LRRD1: variants seen among roughly 807,000 people sequenced by gnomAD.
LRRD1 encodes the protein leucine rich repeats and death domain containing 1.
In LRRD1, 49 loss-of-function variants were observed where a neutral mutation model predicts 69.5. The ratio of observed to expected loss-of-function variants is 0.70; its 90% CI spans 0.56 to 0.89. The LOEUF (loss-of-function observed/expected upper bound fraction) is 0.89, where lower values mean the gene tolerates loss of function less well. LRRD1 is among the 40% of genes least tolerant of loss of function. LRRD1 has a pLI of 0.00. For missense variants in LRRD1, 853 were observed against 956.0 expected, an observed-to-expected ratio of 0.89 and a Z score of 1.42; for synonymous variants, 303 against 338.9, an observed-to-expected ratio of 0.89 and a Z score of 1.16.
intron 3 of LRRD1, among the ~76,000 whole-genome samples, chr7:92,155,229 C>T (rs1002741830): frequency 2.6e-5 from 4 of 152,122 alleles, no homozygotes; most frequent in African/African-American, 9.7e-5. Context: ...ATAAGGGTTA[C>T]ATGAACACAA....
Position 92,166,742 on chromosome 7 carries a change from A to T in LRRD1, c.-74-1466T>A, listed in dbSNP as rs192886620. ...CTTGATAAGTTGCAACATTTTTCAT[A>T]ATTTACAAAGTAGGAATAGATGGGA... On this transcript the variant is annotated intron_variant, in intron 1 of 5. Transcript: ENST00000458448. Among the ~76,000 whole-genome samples the T allele has an allele frequency of 2.0e-5, 3 of 152,322 alleles. No individual in the cohort carries two copies. In the East Asian group the frequency reaches 5.8e-4, roughly 29 times the overall value.
At chr7:92,151,891 G>A (rs1820476463) in intron 3 of LRRD1, among the ~76,000 whole-genome samples, 1 of 151,570 alleles carries the variant, frequency 6.6e-6, no homozygotes, top group Admixed American at 6.6e-5. Context: ...AGAGGTTGCA[G>A]GGAGCCGAGA....
intron 1 of LRRD1, among the ~76,000 whole-genome samples, chr7:92,174,511 T>TATATA (rs1563195897): frequency 2.1e-3 from 57 of 26,680 alleles, no homozygotes; most frequent in Non-Finnish European, 3.2e-3. Flanking sequence ...ATATATATAT[T>TATATA]TTTTTTTTTT....
chr7:92,155,142 C>A (rs1007354176), intron 3 of LRRD1, among the ~76,000 whole-genome samples: 1 of 152,170 alleles, frequency 6.6e-6, no homozygotes, highest in Non-Finnish European at 1.5e-5. Context: ...TTAAAGGAAG[C>A]ACTTTAAGGC....
chr7:92,160,818 C>T (rs1255682062), intron 2 of LRRD1, among the ~76,000 whole-genome samples: 1 of 151,694 alleles, frequency 6.6e-6, no homozygotes. Flanking sequence ...GTCTCAAAAA[C>T]AAAAACAAAA....
intron 4 of LRRD1, among the ~76,000 whole-genome samples, chr7:92,146,829 G>C (rs1316112561): frequency 7.3e-5 from 11 of 150,700 alleles, no homozygotes; most frequent in Non-Finnish European, 1.5e-4. Flanking sequence ...GGCTGAGGTA[G>C]GAGAATCGCT....
At chr7:92,170,078 A>AAG (rs973823934) in intron 1 of LRRD1, among the ~76,000 whole-genome samples, 2 of 151,040 alleles carry the variant, frequency 1.3e-5, no homozygotes, top group African/African-American at 4.9e-5. Context: ...TGAAAAAAAA[A>AAG]AGAGAGAGAG....
chr7:92,176,691 G>C (rs535804245), intron 1 of LRRD1, among the ~76,000 whole-genome samples: 2 of 151,818 alleles, frequency 1.3e-5, no homozygotes, highest in African/African-American at 4.8e-5. Flanking sequence ...AGCCTCCTGA[G>C]TAGCTGGGAC....
intron 4 of LRRD1, among the ~76,000 whole-genome samples, chr7:92,149,434 G>T (rs937176959): frequency 6.6e-6 from 1 of 152,290 alleles, no homozygotes; most frequent in Admixed American, 6.5e-5. Context: ...GCAAATCAGA[G>T]TCCTAGGGAA....
In LRRD1 at chr7:92,159,055, A is replaced by G; in HGVS notation, c.2066T>C (p.Leu689Pro). The G allele has an allele frequency of 1.9e-6, 3 of 1,546,636 alleles. No homozygotes were observed. Among genetic ancestry groups the G allele is most frequent in the Non-Finnish European group, 2.6e-6 (3 of 1,145,572 alleles). Reference protein sequence around the residue: ...LHAYNNQISYLPPSLLSLNDL... With the variant: ...LHAYNNQISYPPPSLLSLNDL... ...ATTTAAAGATAGCAAAGATGGTGGA[A>G]GATAACTTATTTGATTATTGTATGC... is the stretch of plus-strand genomic sequence containing the variant. Residue 689 changes from leucine (L) to proline (P), a missense_variant, in exon 3 of 6, where the codon CTT becomes CCT. Transcript: ENST00000458448.
At chr7:92,175,099 A>C (rs1789163194) in intron 1 of LRRD1, among the ~76,000 whole-genome samples, 1 of 151,888 alleles carries the variant, frequency 6.6e-6, no homozygotes, top group Non-Finnish European at 1.5e-5. Context: ...CACAAAAAAA[A>C]CCCATAATGT....
intron 1 of LRRD1, among the ~76,000 whole-genome samples, chr7:92,168,753 A>G (rs1440722985): frequency 6.6e-6 from 1 of 152,326 alleles, no homozygotes; most frequent in South Asian, 2.1e-4. Flanking sequence ...CCAGACGAAG[A>G]CTGGAAGAAA....
chr7:92,162,309 C>T (rs1788808261), intron 2 of LRRD1, among the ~76,000 whole-genome samples: 1 of 152,102 alleles, frequency 6.6e-6, no homozygotes, highest in East Asian at 1.9e-4. Context: ...CATTGTTATT[C>T]TTTAAGAGAA....
intron 1 of LRRD1, among the ~76,000 whole-genome samples, chr7:92,169,112 T>G (rs1788990737): frequency 6.6e-6 from 1 of 151,988 alleles, no homozygotes; most frequent in African/African-American, 2.4e-5. Context: ...AGAGACAGGG[T>G]TTCATTGAAT....
chr7:92,167,826 G>A (rs1431303495), intron 1 of LRRD1, among the ~76,000 whole-genome samples: 1 of 122,862 alleles, frequency 8.1e-6, no homozygotes, highest in East Asian at 2.5e-4. Flanking sequence ...GCAGTGAACC[G>A]AGATGGCGCC....
intron 1 of LRRD1, among the ~76,000 whole-genome samples, chr7:92,177,746 A>G (rs1789228560): frequency 6.6e-6 from 1 of 152,216 alleles, no homozygotes. Flanking sequence ...ACTTAGCTGC[A>G]GATCAACACC....
At chr7:92,154,595 T>C (rs1391670804) in intron 3 of LRRD1, among the ~76,000 whole-genome samples, 2 of 152,154 alleles carry the variant, frequency 1.3e-5, no homozygotes, top group East Asian at 3.8e-4. Flanking sequence ...TTTTTCTATG[T>C]TCTTATCTAG....
At chr7:92,160,793 A>G (rs958194992) in intron 2 of LRRD1, among the ~76,000 whole-genome samples, 13 of 152,244 alleles carry the variant, frequency 8.5e-5, no homozygotes, top group African/African-American at 3.1e-4. Flanking sequence ...AGCCTGAGCG[A>G]CAGAGTGAGA....
rs1788741614 is a variant in LRRD1, at chr7:92,159,053, G to C, written c.2068C>G (p.Pro690Ala). The part of the protein sequence containing the change: ...HAYNNQISYL[P>A]PSLLSLNDLQ... ...TCATTTAAAGATAGCAAAGATGGTG[G>C]AAGATAACTTATTTGATTATTGTAT... Residue 690 changes from proline to alanine, a missense_variant, in exon 3 of 6, where the codon CCA becomes GCA. Physicochemically the swap from Pro to Ala is conservative, Grantham distance 27. This residue lies in a region of LRRD1 where 739 missense variants were observed against 808.0 expected (regional missense o/e 0.91). Coordinates refer to ENST00000458448, the MANE Select transcript of LRRD1 (RefSeq NM_001161528.2). The C allele has an allele frequency of 1.3e-6, 2 of 1,545,850 alleles. No individual in the cohort carries two copies. The highest frequency in any genetic ancestry group is 2.5e-5 in the East Asian group (1 of 40,538).
Sources: gnomAD v4.1 joint callset for allele counts (sites outside exome capture counted in the v4.1 genomes callset) on GRCh38, gnomAD v4.1.1 for gene constraint, gnomAD v4.1.1 regional missense constraint, MANE v1.5 for transcripts, NCBI Gene and HGNC (gene_info 2026-07-23, HGNC 2026-07-21) for gene names.